Variants in PCDHGA6 observed in about 807,000 individuals in gnomAD.
PCDHGA6 encodes the protein protocadherin gamma subfamily A, 6.
A neutral mutation model predicts 60.6 loss-of-function variants in PCDHGA6; 41 were observed. That is an observed-to-expected ratio of 0.68 (90% CI 0.53 to 0.88). PCDHGA6 has a LOEUF of 0.88. Among genes scored for constraint, PCDHGA6 ranks in the 40% least tolerant of loss-of-function variants. PCDHGA6 has a pLI of 0.00. For missense variants in PCDHGA6, 1,312 were observed against 1,203.0 expected (o/e 1.09, Z -1.34); for synonymous variants, 594 against 524.4 (o/e 1.13, Z -1.81).
intron 1 of PCDHGA6, among the ~76,000 whole-genome samples, chr5:141,452,353 AG>A (rs556616398): frequency 5.9e-5 from 9 of 152,206 alleles, no homozygotes; most frequent in Non-Finnish European, 1.3e-4. Context: ...TTTATCCAAA[AG>A]CCTTGCTTCA....
rs1207647899 is a variant in PCDHGA6, at chr5:141,491,938, C to T, written c.2425-2869C>T. The T allele has an allele frequency of 1.6e-5, 19 of 1,199,190 alleles. No homozygotes were observed. Among genetic ancestry groups the T allele is most frequent in the Non-Finnish European group, 2.1e-5 (18 of 875,372 alleles). 74.3% of individuals were successfully genotyped at this position (1,199,190 alleles called of 1,614,324 possible). ...TGTGGGCGAGGGGAGGTGGGACCGA[C>T]CCCCACCCCTACACTCAAAAAAGGC... is the stretch of plus-strand genomic sequence containing the variant. On this transcript the variant is annotated intron_variant, in intron 1 of 3. Coordinates refer to ENST00000517434, the MANE Select transcript of PCDHGA6 (RefSeq NM_018919.3). This position sits in a 1 kb window ranked among gnomAD's most constrained non-coding sequence, Gnocchi z 6.9.
chr5:141,420,488 A>C, intron 1 of PCDHGA6: 1 of 534,916 alleles, frequency 1.9e-6, no homozygotes, highest in East Asian at 3.8e-5. Context: ...CTACATGGGT[A>C]ATCTCCGGTG....
At position 141,432,688 on chromosome 5, in the gene PCDHGA6, A is replaced by G. The variant is rs143889434; in HGVS notation, c.2424+56181A>G. On this transcript the variant is annotated intron_variant, in intron 1 of 3. Coordinates refer to ENST00000517434, the MANE Select transcript of PCDHGA6 (RefSeq NM_018919.3). The surrounding 1 kb of genome is among the most constrained non-coding windows in gnomAD (Gnocchi z 6.0). ...GAGACGCGCTCAAGCAGAGCCTCGT[A>G]GTGGCCGTCCAGGACCACGGCCAGC... 2,218 of 1,613,894 alleles carry G rather than the reference A, an allele frequency of 1.4e-3. 31 individuals are homozygous for G. The African/African-American group carries it at 0.023, about 17-fold the overall frequency.
At chr5:141,405,648 G>T (rs936380418) in intron 1 of PCDHGA6, 5 of 523,616 alleles carry the variant, frequency 9.5e-6, no homozygotes, top group African/African-American at 3.9e-5. Context: ...CTAATTTTTT[G>T]TGTGTTTTTA....
chr5:141,501,636 C>T (rs2099810310), intron 2 of PCDHGA6, among the ~76,000 whole-genome samples: 1 of 152,130 alleles, frequency 6.6e-6, no homozygotes, highest in South Asian at 2.1e-4. Flanking sequence ...CTCAACCTCT[C>T]TGAGCCCTGT....
At chr5:141,422,127 A>G (rs779974245) in intron 1 of PCDHGA6, 1 of 1,600,944 alleles carries the variant, frequency 6.2e-7, no homozygotes. Context: ...CACAAACTGG[A>G]GAAGTTCAAG....
chr5:141,408,575 G>A (rs1300122367), intron 1 of PCDHGA6: 4 of 1,613,918 alleles, frequency 2.5e-6, no homozygotes, highest in East Asian at 2.2e-5. Context: ...GGTGATTGAG[G>A]ATGTTAATGA....
At chr5:141,439,523 T>A (rs2098118339) in intron 1 of PCDHGA6, among the ~76,000 whole-genome samples, 1 of 152,202 alleles carries the variant, frequency 6.6e-6, no homozygotes, top group African/African-American at 2.4e-5. Context: ...CAACTAACTC[T>A]ACAGAACGCT....
intron 1 of PCDHGA6, among the ~76,000 whole-genome samples, chr5:141,467,931 T>C (rs771009105): frequency 1.3e-5 from 2 of 151,966 alleles, no homozygotes; most frequent in Non-Finnish European, 2.9e-5. Flanking sequence ...AATGCTAGGA[T>C]TACAAGCATG....
Position 141,489,492 on chromosome 5 carries a change from G to T in PCDHGA6, c.2425-5315G>T, listed in dbSNP as rs1258376136. On this transcript the variant is annotated intron_variant, in intron 1 of 3. Coordinates refer to ENST00000517434, the MANE Select transcript of PCDHGA6 (RefSeq NM_018919.3). The surrounding 1 kb of genome is among the most constrained non-coding windows in gnomAD (Gnocchi z 4.5). ...CCCTGAGCTTGATGAGTGGTGCCCT[G>T]GCAGTGAATCAAAAGATTGACCGAG... 1 of 1,614,042 alleles carries T rather than the reference G, an allele frequency of 6.2e-7. No individual in the cohort carries two copies. The highest frequency in any genetic ancestry group is 1.1e-5 in the South Asian group (1 of 91,078).
At chr5:141,408,500 A>G in intron 1 of PCDHGA6, 1 of 1,614,018 alleles carries the variant, frequency 6.2e-7, no homozygotes, top group Non-Finnish European at 8.5e-7. Context: ...CAAAGAGAGA[A>G]GAAGATGTGA....
chr5:141,441,768 T>C, intron 1 of PCDHGA6: 1 of 387,074 alleles, frequency 2.6e-6, no homozygotes. Context: ...CCTGCGCGTG[T>C]TGGTGGACGA....
intron 1 of PCDHGA6, chr5:141,420,079 C>T (rs1362049053): frequency 6.2e-7 from 1 of 1,613,998 alleles, no homozygotes; most frequent in Non-Finnish European, 8.5e-7. Flanking sequence ...CTGTGGGTCC[C>T]CCCAACTACA....
At position 141,491,904 on chromosome 5, in the gene PCDHGA6, G is replaced by C; in HGVS notation, c.2425-2903G>C. The C allele has an allele frequency of 7.0e-7, 1 of 1,423,838 alleles. No individual in the cohort carries two copies. The allele number at this position is 1,423,838 out of a possible 1,614,324, so 88.2% of individuals were successfully genotyped here. ...GGATGGGGCTCCGAGCACCGGGGGT[G>C]GTGGCGACTGTGGGCGAGGGGAGGT... On this transcript the variant is annotated intron_variant, in intron 1 of 3. Coordinates refer to ENST00000517434, the MANE Select transcript of PCDHGA6 (RefSeq NM_018919.3). This position sits in a 1 kb window ranked among gnomAD's most constrained non-coding sequence, Gnocchi z 6.9.
At position 141,486,364 on chromosome 5, in the gene PCDHGA6, C is replaced by T; in HGVS notation, c.2425-8443C>T. 1 of 1,614,068 alleles carries T rather than the reference C, an allele frequency of 6.2e-7. No homozygotes were observed. The highest frequency in any genetic ancestry group is 1.1e-5 in the South Asian group (1 of 91,074). On this transcript the variant is annotated intron_variant, in intron 1 of 3. Transcript: ENST00000517434. The surrounding 1 kb of genome is among the most constrained non-coding windows in gnomAD (Gnocchi z 5.0). ...TTCCTGACCACTTGCCATTTGCCCT[C>T]AAGTCTGCCTTCAGGAACCAGTTCT...
At chr5:141,390,321 C>T (rs776100029) in intron 1 of PCDHGA6, 13 of 1,606,964 alleles carry the variant, frequency 8.1e-6, no homozygotes, top group Admixed American at 1.7e-5. Context: ...TCATTGCCTA[C>T]CCATTTCTCC....
chr5:141,375,879 G>A lies in PCDHGA6; in HGVS notation c.1796G>A (p.Gly599Asp). Residue 599 changes from glycine (G) to aspartate (D), a missense_variant, in exon 1 of 4, where the codon GGC becomes GAC. Transcript: ENST00000517434. The part of the protein sequence containing the change: ...TKVVAVDRDS[G>D]QNAWLSYRLL... ...GTGGTGGCGGTGGACAGAGACTCGGGCCAGAACGCCTGGCTGTCCTACCGC... is the reference window on the plus strand; with the variant it reads ...GTGGTGGCGGTGGACAGAGACTCGGACCAGAACGCCTGGCTGTCCTACCGC... The A allele has an allele frequency of 6.2e-7, 1 of 1,613,144 alleles. No homozygotes were observed. The highest frequency in any genetic ancestry group is 1.1e-5 in the South Asian group (1 of 91,052).
chr5:141,430,952 C>G, intron 1 of PCDHGA6: 2 of 1,610,382 alleles, frequency 1.2e-6, no homozygotes, highest in African/African-American at 2.7e-5. Flanking sequence ...GCGCGGAGTC[C>G]GCATCATCCC....
chr5:141,399,055 G>C, intron 1 of PCDHGA6: 1 of 1,613,844 alleles, frequency 6.2e-7, no homozygotes, highest in Non-Finnish European at 8.5e-7. Context: ...AGAGACCAAG[G>C]AATATTCAAT....
Sources: gnomAD v4.1 joint callset for allele counts (sites outside exome capture counted in the v4.1 genomes callset) on GRCh38, gnomAD v4.1.1 for gene constraint, Gnocchi (gnomAD v3.1) non-coding constraint, MANE v1.5 for transcripts, NCBI Gene and HGNC (gene_info 2026-07-23, HGNC 2026-07-21) for gene names.